PIP5K1C: variants seen among roughly 807,000 people sequenced by gnomAD.
PIP5K1C encodes the protein phosphatidylinositol 4-phosphate 5-kinase type-1 gamma.
Under a neutral mutation model 80.1 loss-of-function variants are expected in PIP5K1C, and 45 were observed. The ratio of observed to expected loss-of-function variants is 0.56; its 90% CI spans 0.44 to 0.72. The LOEUF (loss-of-function observed/expected upper bound fraction) is 0.72. Ranked by LOEUF, PIP5K1C falls within the 30% of genes least tolerant of loss-of-function variation. PIP5K1C has a pLI of 0.00. For synonymous variants in PIP5K1C, 498 were observed against 420.1 expected (o/e 1.19, Z -2.27); for missense variants, 753 against 954.6 (o/e 0.79, Z 2.78).
At position 3,644,203 on chromosome 19, in the gene PIP5K1C, G is replaced by C. The variant is rs780033757; in HGVS notation, c.1394C>G (p.Ala465Gly). 2.5e-6 allele frequency: 4 copies of C among 1,612,362 alleles called. No individual in the cohort carries two copies. The African/African-American group carries it at 5.3e-5, about 22-fold the overall frequency. Residue 465 changes from alanine to glycine, a missense_variant, in exon 12 of 18, where the codon GCT (alanine) becomes GGT (glycine). Ala to Gly is a moderately conservative substitution (Grantham distance 60). Transcript: ENST00000335312. ...SKKGRGGALLAVKPLGPTAAF... is the reference protein window; with the variant it reads ...SKKGRGGALLGVKPLGPTAAF... ...AGCGGTGGGCCCCAGCGGTTTCACA[G>C]CTAGCAAGGCTCCGCCGCGCCCCTT...
In PIP5K1C at chr19:3,633,094, G is replaced by A. The variant is rs1324650927; in HGVS notation, c.*73C>T. On this transcript the variant is annotated 3_prime_UTR_variant, in exon 18 of 18. Transcript: ENST00000335312. The stretch of plus-strand genomic sequence containing the variant: ...CATCTCCCGAGCTCTGGGCCTCAGC[G>A]GGGTGGGCAGCGCCTTCGGGGGCAG... 34 of 722,890 alleles carry A rather than the reference G, an allele frequency of 4.7e-5. No individual in the cohort carries two copies. In the East Asian group the frequency reaches 4.7e-4, roughly 10 times the overall value. The allele number at this position is 722,890 out of a possible 1,614,324, so 44.8% of individuals were successfully genotyped here. A position where few individuals can be genotyped will look rare whatever the true frequency, so the allele number is the denominator to read the frequency against.
At position 3,646,035 on chromosome 19, in the gene PIP5K1C, G is replaced by A. The variant is rs978999784; in HGVS notation, c.1284C>T (p.Pro428=). 65 of 1,612,994 alleles carry A rather than the reference G, an allele frequency of 4.0e-5. No individual in the cohort carries two copies. Among genetic ancestry groups the A allele is most frequent in the Non-Finnish European group, 5.2e-5 (61 of 1,179,812 alleles). Residue 428 remains proline (P), a synonymous_variant, in exon 11 of 18, where the codon CCC becomes CCT. Coordinates refer to ENST00000335312, the MANE Select transcript of PIP5K1C (RefSeq NM_012398.3). ...TGAAAAAGCGCTCGGCATAGAAGCT[G>A]GGGCGGTGGACGGACACCGTGTCCT... ...HDGDTVSVHR[P]SFYAERFFKF... is the part of the protein sequence containing the mutation.
chr19:3,655,310 C>T (rs528916324), intron 6 of PIP5K1C, among the ~76,000 whole-genome samples: 2 of 151,086 alleles, frequency 1.3e-5, no homozygotes, highest in East Asian at 2.0e-4. Flanking sequence ...CCCAGCTACT[C>T]GGGAGGCTGA....
intron 1 of PIP5K1C, among the ~76,000 whole-genome samples, chr19:3,685,603 G>A (rs1010012589): frequency 9.9e-5 from 15 of 151,840 alleles, no homozygotes; most frequent in African/African-American, 2.4e-4. Flanking sequence ...GGTGGCGGGC[G>A]CCTGTAGTCC....
intron 9 of PIP5K1C, among the ~76,000 whole-genome samples, chr19:3,647,934 G>A (rs929790115): frequency 3.3e-5 from 5 of 152,214 alleles, no homozygotes; most frequent in South Asian, 2.1e-4. Flanking sequence ...GTGACAGAGC[G>A]AGACTTTGTC....
At chr19:3,640,339 C>T (rs953962167) in intron 15 of PIP5K1C, among the ~76,000 whole-genome samples, 4 of 152,072 alleles carry the variant, frequency 2.6e-5, no homozygotes, top group Non-Finnish European at 4.4e-5. Flanking sequence ...CATGGTGAAA[C>T]CCCATCTCTA....
Position 3,643,365 on chromosome 19 carries a change from C to T in PIP5K1C, c.1527G>A (p.Leu509=). The T allele has an allele frequency of 6.2e-7, 1 of 1,613,662 alleles. No homozygotes were observed. Among genetic ancestry groups the T allele is most frequent in the East Asian group, 2.2e-5 (1 of 44,874 alleles). ...TLEDEGRPDL[L]PCTPPSFEEA... ...CTTCGAAAGAAGGTGGCGTGCAGGG[C>T]AGGAGGTCGGGCCGGCCTGAGGGGA... Residue 509 remains leucine (L), a synonymous_variant, in exon 13 of 18, where the codon CTG becomes CTA. Transcript: ENST00000335312.
At chr19:3,695,872 T>C (rs1024951660) in intron 1 of PIP5K1C, among the ~76,000 whole-genome samples, 2 of 152,016 alleles carry the variant, frequency 1.3e-5, no homozygotes, top group African/African-American at 4.8e-5. Flanking sequence ...TACAGGTACA[T>C]ACCATTACGT....
chr19:3,693,812 C>A (rs2036019082), intron 1 of PIP5K1C, among the ~76,000 whole-genome samples: 1 of 152,136 alleles, frequency 6.6e-6, no homozygotes, highest in Non-Finnish European at 1.5e-5. Context: ...GCCTGTAACC[C>A]CAGCACTTTG....
At position 3,643,235 on chromosome 19, in the gene PIP5K1C, TCGCCCACCTGTACCGCGGCTGCTCCGA is replaced by T; in HGVS notation, c.1630_1649+7del. The T allele has an allele frequency of 6.2e-7, 1 of 1,612,448 alleles. No individual in the cohort carries two copies. Among genetic ancestry groups the T allele is most frequent in the South Asian group, 1.1e-5 (1 of 91,064 alleles). Reference sequence around the variant, plus strand: ...CCCGCCCACATGCACTGCGGATGCCTCGCCCACCTGTACCGCGGCTGCTCCGACGTCTCCGAGGGGGACCGCTCAGGA... The same window carrying T: ...CCCGCCCACATGCACTGCGGATGCCTCGTCTCCGAGGGGGACCGCTCAGGA... On this transcript the variant is annotated splice_donor_variant and splice_donor_5th_base_variant and coding_sequence_variant and intron_variant, in exon 13 of 18. Transcript: ENST00000335312. LOFTEE classifies it high-confidence loss of function.
At chr19:3,645,925 T>A (rs2034194254) in intron 11 of PIP5K1C, 49 bp downstream of exon 11, 3 of 1,466,478 alleles carry the variant, frequency 2.0e-6, no homozygotes, top group Non-Finnish European at 2.9e-6. Flanking sequence ...CACGGCGCTC[T>A]GGGCCTTCCC....
At chr19:3,661,172 G>T in intron 4 of PIP5K1C, 89 bp from the exon 5 acceptor site, 1 of 859,624 alleles carries the variant, frequency 1.2e-6, no homozygotes, top group Non-Finnish European at 1.9e-6. Context: ...GCCTCTAGCA[G>T]CTGAGCCTCT....
Position 3,661,078 on chromosome 19 carries a change from C to T in PIP5K1C, c.356G>A (p.Gly119Asp). 6.2e-7 allele frequency: 1 copy of T among 1,612,996 alleles called. No individual in the cohort carries two copies. The highest frequency in any genetic ancestry group is 8.5e-7 in the Non-Finnish European group (1 of 1,179,138). Reference protein sequence around the residue: ...VVESIFFPSEGSNLTPAHHFQ... With the variant: ...VVESIFFPSEDSNLTPAHHFQ... ...GTGGTGGGCGGGGGTGAGGTTGCTG[C>T]CTTCGCTGTGGAGGAAGGACGGGAG... The change falls in exon 5 of 18, where the codon GGC (glycine) becomes GAC (aspartate). Residue 119 changes from glycine to aspartate, a missense_variant. Around this residue, in one of 6 missense-constraint regions of PIP5K1C, gnomAD observed 139 missense variants for 289.7 expected, o/e 0.48. Transcript: ENST00000335312.
chr19:3,653,217 C>T (rs2034511331), intron 7 of PIP5K1C, 73 bp downstream of exon 7: 13 of 1,462,816 alleles, frequency 8.9e-6, no homozygotes, highest in East Asian at 2.3e-5. Context: ...CCTGGCCCTG[C>T]CTGCCCAGGC....
At chr19:3,663,006 A>G (rs938365372) in intron 3 of PIP5K1C, among the ~76,000 whole-genome samples, 1 of 151,930 alleles carries the variant, frequency 6.6e-6, no homozygotes, top group African/African-American at 2.4e-5. Flanking sequence ...GATTACAGGC[A>G]CGCACCAGCA....
chr19:3,642,612 G>A (rs2034010213), intron 14 of PIP5K1C, among the ~76,000 whole-genome samples: 1 of 152,196 alleles, frequency 6.6e-6, no homozygotes, highest in Non-Finnish European at 1.5e-5. Context: ...CCGTGGGCAG[G>A]AGGGGGCGCA....
intron 1 of PIP5K1C, among the ~76,000 whole-genome samples, chr19:3,679,603 G>A (rs567406278): frequency 9.9e-5 from 15 of 152,196 alleles, no homozygotes; most frequent in African/African-American, 3.6e-4. Context: ...ATGGAGCTGG[G>A]GCAGGCGGGC....
At chr19:3,646,682 G>A (rs1027372751) in intron 10 of PIP5K1C, among the ~76,000 whole-genome samples, 1 of 152,336 alleles carries the variant, frequency 6.6e-6, no homozygotes, top group Non-Finnish European at 1.5e-5. Context: ...CATCCCCAGA[G>A]GCCTCTGCCA....
chr19:3,633,796 A>G (rs1380971483), intron 16 of PIP5K1C, among the ~76,000 whole-genome samples: 1 of 151,932 alleles, frequency 6.6e-6, no homozygotes, highest in Non-Finnish European at 1.5e-5. Context: ...ATAGCAGGTG[A>G]CAGAGCCGGC....
Sources: gnomAD v4.1 joint callset for allele counts (sites outside exome capture counted in the v4.1 genomes callset) on GRCh38, gnomAD v4.1.1 for gene constraint, gnomAD v4.1.1 regional missense constraint, MANE v1.5 for transcripts, NCBI Gene and HGNC (gene_info 2026-07-23, HGNC 2026-07-21) for gene names.